COLEC10: variants seen among roughly 807,000 people sequenced by gnomAD.
COLEC10 encodes collectin subfamily member 10.
A neutral mutation model predicts 28.4 loss-of-function variants in COLEC10; 22 were observed. That is an observed-to-expected ratio of 0.78 (90% CI 0.55 to 1.11). The LOEUF (loss-of-function observed/expected upper bound fraction) is 1.11. Among genes scored for constraint, COLEC10 ranks in the 50% least tolerant of loss-of-function variants. The probability of loss-of-function intolerance (pLI) is 0.00; values close to 1 mark genes in which losing one functional copy is unlikely to be tolerated. For missense variants in COLEC10, 361 were observed against 344.1 expected, an observed-to-expected ratio of 1.05 and a Z score of -0.39; for synonymous variants, 125 against 116.1, an observed-to-expected ratio of 1.08 and a Z score of -0.49.
intron 2 of COLEC10, among the ~76,000 whole-genome samples, chr8:119,050,587 T>C (rs1313554480): frequency 6.6e-6 from 1 of 152,254 alleles, no homozygotes; most frequent in Non-Finnish European, 1.5e-5. Context: ...TATTCTACTT[T>C]AGTAAAGCTG....
At chr8:119,096,079 C>T (rs1815710475) in intron 3 of COLEC10, among the ~76,000 whole-genome samples, 1 of 152,100 alleles carries the variant, frequency 6.6e-6, no homozygotes, top group Non-Finnish European at 1.5e-5. Flanking sequence ...ATCTCGATCC[C>T]ATACTTAACA....
chr8:119,035,912 G>C (rs1391910834), intron 2 of COLEC10, among the ~76,000 whole-genome samples: 1 of 152,082 alleles, frequency 6.6e-6, no homozygotes, highest in Non-Finnish European at 1.5e-5. Context: ...AAGTTATGCT[G>C]TTTAAGGTAC....
chr8:119,101,551 A>G (rs1445143966), intron 3 of COLEC10, among the ~76,000 whole-genome samples: 1 of 152,226 alleles, frequency 6.6e-6, no homozygotes, highest in Non-Finnish European at 1.5e-5. Context: ...ATGGTTACAT[A>G]TAAAGAAGTA....
At chr8:119,042,492 G>A (rs919156191) in intron 2 of COLEC10, among the ~76,000 whole-genome samples, 6 of 152,034 alleles carry the variant, frequency 3.9e-5, no homozygotes, top group Admixed American at 6.5e-5. Context: ...CAAGGGGTTC[G>A]AATGCTCGTG....
chr8:118,992,320 A>G (rs1365454238), upstream of COLEC10, among the ~76,000 whole-genome samples: 12 of 152,130 alleles, frequency 7.9e-5, no homozygotes, highest in African/African-American at 2.7e-4. Context: ...CTTCAATGGA[A>G]AAGCTTTAGG....
chr8:118,976,929 AG>A, the COLEC10 span, among the ~76,000 whole-genome samples: 1 of 151,348 alleles, frequency 6.6e-6, no homozygotes, highest in East Asian at 1.9e-4. Context: ...CCCATCAAAA[AG>A]TGGGCGAAGG....
intron 2 of COLEC10, among the ~76,000 whole-genome samples, chr8:119,036,451 A>C (rs771499059): frequency 7.9e-5 from 12 of 152,200 alleles, no homozygotes; most frequent in South Asian, 2.1e-4. Context: ...AACAGTGTAA[A>C]TTATTGTTAT....
Position 119,107,441 on chromosome 8 carries a change from C to A in COLEC10, c.*1250C>A, listed in dbSNP as rs1815970168. Among the ~76,000 whole-genome samples, 2 of 152,166 alleles carry A rather than the reference C, an allele frequency of 1.3e-5. No individual in the cohort carries two copies. The highest frequency in any genetic ancestry group is 4.1e-4 in the South Asian group (2 of 4,830). Reference sequence around the variant, plus strand: ...AGTTCAAAGATACTCTAGATTATCACCCTATAAACTTCTACTCCAGTTATG... The same window carrying A: ...AGTTCAAAGATACTCTAGATTATCAACCTATAAACTTCTACTCCAGTTATG... On this transcript the variant is annotated 3_prime_UTR_variant, in exon 6 of 6. Transcript: ENST00000332843.
intron 2 of COLEC10, among the ~76,000 whole-genome samples, chr8:119,054,433 A>G (rs1356730008): frequency 6.6e-6 from 1 of 152,114 alleles, no homozygotes; most frequent in Non-Finnish European, 1.5e-5. Context: ...AGACGTTTGT[A>G]TTTTAAAAGA....
chr8:119,091,169 G>A lies in COLEC10; in HGVS notation c.241G>A (p.Asp81Asn). 4 of 1,613,004 alleles carry A rather than the reference G, an allele frequency of 2.5e-6. No homozygotes were observed. In the South Asian group the frequency reaches 4.4e-5, roughly 18 times the overall value. The change falls in exon 3 of 6, where the codon GAT (aspartate) becomes AAT (asparagine). Residue 81 changes from aspartate to asparagine, a missense_variant. This residue lies in a region of COLEC10 where 335 missense variants were observed against 308.5 expected (regional missense o/e 1.09). Coordinates refer to ENST00000332843, the MANE Select transcript of COLEC10 (RefSeq NM_006438.5). ...GPKGIKGELG[D>N]MGDQGNIGKT... ...TTCAGGAATTAAAGGAGAACTGGGTGATATGGGAGATCAGGGCAATATTGG... is the reference window on the plus strand; with the variant it reads ...TTCAGGAATTAAAGGAGAACTGGGTAATATGGGAGATCAGGGCAATATTGG...
rs142315462 is a variant in COLEC10 at position 119,107,010 on chromosome 8, C to A, written c.*819C>A. 6.0e-4 allele frequency among the ~76,000 whole-genome samples: 91 copies of A among 152,276 alleles called. No individual in the cohort carries two copies. The highest frequency in any genetic ancestry group is 2.1e-3 in the African/African-American group (87 of 41,570). On this transcript the variant is annotated 3_prime_UTR_variant, in exon 6 of 6. Coordinates refer to ENST00000332843, the MANE Select transcript of COLEC10 (RefSeq NM_006438.5). ...AACAATACTGGTTATAGTTCTCTTG[C>A]TAAATTGCCCACTGCTATTAACTTA...
intron 2 of COLEC10, among the ~76,000 whole-genome samples, chr8:119,023,803 A>G (rs982971171): frequency 6.6e-5 from 10 of 152,170 alleles, no homozygotes; most frequent in Admixed American, 3.3e-4. Context: ...ATTGTATGCC[A>G]TCATTTGAAA....
intron 1 of COLEC10, among the ~76,000 whole-genome samples, chr8:119,084,472 C>A (rs2130263709): frequency 6.6e-6 from 1 of 152,284 alleles, no homozygotes; most frequent in South Asian, 2.1e-4. Context: ...AATTATTTGT[C>A]ATGATTTGTT....
chr8:119,022,045 CA>C (rs1814107901), intron 2 of COLEC10, among the ~76,000 whole-genome samples: 1 of 152,116 alleles, frequency 6.6e-6, no homozygotes, highest in South Asian at 2.1e-4. Flanking sequence ...TTTCCTCTAG[CA>C]ATCCTCTTAC....
At chr8:119,021,869 G>T (rs1372966749) in intron 2 of COLEC10, among the ~76,000 whole-genome samples, 1 of 152,112 alleles carries the variant, frequency 6.6e-6, no homozygotes, top group Non-Finnish European at 1.5e-5. Flanking sequence ...TCTGTACAAT[G>T]CAGCCAACAT....
intron 2 of COLEC10, among the ~76,000 whole-genome samples, chr8:119,022,269 T>C (rs889009011): frequency 6.6e-6 from 1 of 152,050 alleles, no homozygotes; most frequent in African/African-American, 2.4e-5. Flanking sequence ...GAGGGCAAAA[T>C]AGAAAACAAA....
intron 1 of COLEC10, among the ~76,000 whole-genome samples, chr8:119,081,647 G>T (rs1815372006): frequency 6.6e-6 from 1 of 152,168 alleles, no homozygotes; most frequent in Admixed American, 6.5e-5. Flanking sequence ...AGGAATAGAA[G>T]GTTGTGCAGC....
At chr8:118,976,019 A>G in the COLEC10 span, among the ~76,000 whole-genome samples, 2 of 152,032 alleles carry the variant, frequency 1.3e-5, no homozygotes, top group African/African-American at 4.8e-5. Context: ...ATCTTTCATC[A>G]ATTATCTTTT....
At chr8:118,985,496 G>T in the COLEC10 span, among the ~76,000 whole-genome samples, 1 of 152,064 alleles carries the variant, frequency 6.6e-6, no homozygotes, top group African/African-American at 2.4e-5. Flanking sequence ...TTGAGTAAAT[G>T]TGTTATTTTA....
Sources: allele counts gnomAD v4.1 joint callset (sites outside exome capture counted in the v4.1 genomes callset), GRCh38; gene constraint gnomAD v4.1.1; regional missense constraint gnomAD v4.1.1; transcripts MANE v1.5; gene names NCBI Gene and HGNC (gene_info 2026-07-23, HGNC 2026-07-21).